CDC40: variants seen among roughly 807,000 people sequenced by gnomAD.
The protein encoded by CDC40 is cell division cycle 40, also known as pre-mRNA-processing factor 17.
A neutral mutation model predicts 80.6 loss-of-function variants in CDC40; 27 were observed. That is an observed-to-expected ratio of 0.33 (90% confidence interval 0.25 to 0.46). The LOEUF (loss-of-function observed/expected upper bound fraction) is 0.46, where lower values mean the gene tolerates loss of function less well. Ranked by LOEUF, CDC40 falls within the 20% of genes least tolerant of loss-of-function variation. CDC40 has a pLI of 1.00. For missense variants in CDC40, 486 were observed against 694.1 expected, an observed-to-expected ratio of 0.70 and a Z score of 3.37; for synonymous variants, 221 against 232.6, an observed-to-expected ratio of 0.95 and a Z score of 0.45.
intron 4 of CDC40, 67 bp from the exon 5 acceptor site, chr6:110,209,017 T>G (rs1777598228): frequency 2.0e-6 from 2 of 985,276 alleles, no homozygotes; most frequent in Non-Finnish European, 3.0e-6. Context: ...ATGTTCATAT[T>G]TCTTTAGAAA....
chr6:110,219,663 A>G (rs1420533262), intron 11 of CDC40, 73 bp from the exon 12 acceptor site: 6 of 1,510,690 alleles, frequency 4.0e-6, no homozygotes, highest in Non-Finnish European at 5.4e-6. Flanking sequence ...CTCCTTCTCC[A>G]CTTTCCAGAA....
Position 110,213,131 on chromosome 6 carries a change from C to T in CDC40, c.913C>T (p.Leu305=), listed in dbSNP as rs761963930. 4.2e-5 allele frequency: 67 copies of T among 1,610,808 alleles called. No individual in the cohort carries two copies. The highest frequency in any genetic ancestry group is 5.6e-5 in the Non-Finnish European group (66 of 1,177,094). ...RLFPLSGHLL[L]SCSMDCKIKL... ...GTTTCCTCTCTCTGGCCATTTATTG[C>T]TGTCTTGTTCCATGGACTGTAAAAT... is the stretch of plus-strand genomic sequence containing the variant. The change falls in exon 8 of 15, where the codon CTG becomes TTG. Residue 305 remains leucine, a synonymous_variant. Transcript: ENST00000307731.
Position 110,210,688 on chromosome 6 carries a change from C to T in CDC40, c.631-19C>T, listed in dbSNP as rs745550749. The stretch of plus-strand genomic sequence containing the variant: ...GTTCTAGAACATTCATTTTAAATTT[C>T]ACTCCTTAATTTTCTTAGGAAGAGC... On this transcript the variant is annotated intron_variant, in intron 5 of 14. Transcript: ENST00000307731. The T allele has an allele frequency of 2.1e-6, 3 of 1,412,118 alleles. No homozygotes were observed. Among genetic ancestry groups the T allele is most frequent in the Non-Finnish European group, 2.8e-6 (3 of 1,053,338 alleles). The allele number at this position is 1,412,118 out of a possible 1,614,324, so 87.5% of individuals were successfully genotyped here.
chr6:110,218,758 C>G (rs759607204), intron 10 of CDC40, among the ~76,000 whole-genome samples: 4 of 150,744 alleles, frequency 2.7e-5, no homozygotes, highest in Non-Finnish European at 5.9e-5. Flanking sequence ...TTTGCAGATT[C>G]TTTTAAAAAT....
At chr6:110,213,251 G>A in intron 8 of CDC40, 91 bp downstream of exon 8, 1 of 838,152 alleles carries the variant, frequency 1.2e-6, no homozygotes. Context: ...GGGTTTGTTA[G>A]GCAATTAGAA....
At chr6:110,212,323 A>G in intron 7 of CDC40, 51 bp downstream of exon 7, 1 of 1,586,292 alleles carries the variant, frequency 6.3e-7, no homozygotes. Context: ...TAATGAAGCC[A>G]ACGTAAAGTT....
chr6:110,193,381 G>A, intron 2 of CDC40, 113 bp downstream of exon 2: 2 of 629,282 alleles, frequency 3.2e-6, no homozygotes, highest in East Asian at 2.9e-5. Context: ...TACTATTTAA[G>A]TTTTTAGAAA....
chr6:110,197,797 G>A (rs148317906), intron 2 of CDC40, among the ~76,000 whole-genome samples: 285 of 152,274 alleles, frequency 1.9e-3, no homozygotes, highest in African/African-American at 6.6e-3. Context: ...AGGCCGTTGT[G>A]CAGACATACC....
chr6:110,212,506 T>C (rs1028562484), intron 7 of CDC40, among the ~76,000 whole-genome samples: 7 of 152,228 alleles, frequency 4.6e-5, no homozygotes, highest in African/African-American at 1.7e-4. Context: ...TAGTGTCCTG[T>C]ATCCTTGTAG....
At chr6:110,223,028 A>T (rs1777797903) in intron 12 of CDC40, among the ~76,000 whole-genome samples, 1 of 152,222 alleles carries the variant, frequency 6.6e-6, no homozygotes, top group Non-Finnish European at 1.5e-5. Flanking sequence ...CCAAGGTTAT[A>T]CAGGACACGA....
chr6:110,202,679 G>GT (rs915021530), intron 3 of CDC40, among the ~76,000 whole-genome samples: 1 of 151,034 alleles, frequency 6.6e-6, no homozygotes, highest in Non-Finnish European at 1.5e-5. Context: ...AATGGGTTGT[G>GT]TTTTTTTGTT....
At position 110,209,183 on chromosome 6, in the gene CDC40, C is replaced by A. The variant is rs772650353; in HGVS notation, c.590C>A (p.Ala197Glu). The A allele has an allele frequency of 6.2e-7, 1 of 1,612,236 alleles. No homozygotes were observed. Among genetic ancestry groups the A allele is most frequent in the Non-Finnish European group, 8.5e-7 (1 of 1,178,824 alleles). The change falls in exon 5 of 15, where the codon GCA becomes GAA. Residue 197 changes from alanine to glutamate, a missense_variant. Ala to Glu is a moderately radical substitution (Grantham distance 107, BLOSUM62 -1). This residue lies in a region of CDC40 where 381 missense variants were observed against 492.1 expected (regional missense o/e 0.77). Coordinates refer to ENST00000307731, the MANE Select transcript of CDC40 (RefSeq NM_015891.3). ...SNIDGFLGPW[A>E]KYVDEKDVAK... The stretch of plus-strand genomic sequence containing the variant: ...ATTGATGGTTTTTTGGGACCATGGG[C>A]AAAATATGTGGATGAAAAAGATGTA...
chr6:110,190,908 G>T, intron 1 of CDC40, among the ~76,000 whole-genome samples: 1 of 152,098 alleles, frequency 6.6e-6, no homozygotes, highest in East Asian at 1.9e-4. Flanking sequence ...ACCCTTCCTC[G>T]GGCGCTGACA....
At chr6:110,201,078 G>A (rs1405770973) in intron 2 of CDC40, among the ~76,000 whole-genome samples, 1 of 152,202 alleles carries the variant, frequency 6.6e-6, no homozygotes, top group East Asian at 1.9e-4. Flanking sequence ...AGGCACTGTG[G>A]TAAATATTGA....
At chr6:110,190,868 G>A (rs1269806651) in intron 1 of CDC40, among the ~76,000 whole-genome samples, 6 of 152,202 alleles carry the variant, frequency 3.9e-5, no homozygotes, top group Middle Eastern at 3.4e-3. Context: ...ACAGTTGCCC[G>A]GCATGACCTC....
rs1267331093 is a variant in CDC40, at chr6:110,230,997, A to G, written c.*866A>G. ...ACGAGGGGTAGAGTCCAAGATGTCA[A>G]CTTGTAATTTCTTTGAAGTCATATG... On this transcript the variant is annotated 3_prime_UTR_variant, in exon 15 of 15. Coordinates refer to ENST00000307731, the MANE Select transcript of CDC40 (RefSeq NM_015891.3). 1 of 152,226 alleles carries G rather than the reference A, an allele frequency of 6.6e-6. No homozygotes were observed. Among genetic ancestry groups the G allele is most frequent in the Non-Finnish European group, 1.5e-5 (1 of 68,038 alleles). 9.4% of individuals were successfully genotyped at this position (152,226 alleles called of 1,614,324 possible). A position where few individuals can be genotyped will look rare whatever the true frequency, so the allele number is the denominator to read the frequency against.
At chr6:110,206,172 C>G (rs530082915) in intron 3 of CDC40, among the ~76,000 whole-genome samples, 3 of 152,144 alleles carry the variant, frequency 2.0e-5, no homozygotes, top group Non-Finnish European at 2.9e-5. Context: ...GAGTCTCGCT[C>G]TGTCGCCCAG....
Position 110,229,993 on chromosome 6 carries a change from T to C in CDC40, c.1602T>C (p.Ile534=). ...ISGDGNGKLN[I]WDWKTTKLYS... ...GAGATGGAAATGGAAAATTAAACAT[T>C]TGGGACTGGAAGACCACAAAACTCT... The change falls in exon 15 of 15, where the codon ATT becomes ATC. Residue 534 remains isoleucine (I), a synonymous_variant. Coordinates refer to ENST00000307731, the MANE Select transcript of CDC40 (RefSeq NM_015891.3). 6.2e-7 allele frequency: 1 copy of C among 1,611,896 alleles called. No homozygotes were observed. Among genetic ancestry groups the C allele is most frequent in the Non-Finnish European group, 8.5e-7 (1 of 1,178,284 alleles).
In CDC40 at chr6:110,188,417, A is replaced by G. The variant is rs1473726060; in HGVS notation, c.190-4765A>G. On this transcript the variant is annotated intron_variant, in intron 1 of 14. Coordinates refer to ENST00000307731, the MANE Select transcript of CDC40 (RefSeq NM_015891.3). The stretch of plus-strand genomic sequence containing the variant: ...ATAGTACTGAGTTTGCTATTGGGCC[A>G]TGTGCAAGATAGTATCTTTCATCAG... Among the ~76,000 whole-genome samples the G allele has an allele frequency of 2.6e-5, 4 of 152,246 alleles. No individual in the cohort carries two copies. In the East Asian group the frequency reaches 7.7e-4, roughly 29 times the overall value.
Sources: gnomAD v4.1 joint callset for allele counts (sites outside exome capture counted in the v4.1 genomes callset) on GRCh38, gnomAD v4.1.1 for gene constraint, gnomAD v4.1.1 regional missense constraint, MANE v1.5 for transcripts, NCBI Gene and HGNC (gene_info 2026-07-23, HGNC 2026-07-21) for gene names.